Variants in GPC6 observed in about 807,000 individuals in gnomAD.
GPC6 encodes the protein glypican 6, also known as glypican-6.
Under a neutral mutation model 55.2 loss-of-function variants are expected in GPC6, and 14 were observed. The ratio of observed to expected loss-of-function variants is 0.25; its 90% CI spans 0.17 to 0.40. The LOEUF (loss-of-function observed/expected upper bound fraction) is 0.40. Ranked by LOEUF, GPC6 falls within the 10% of genes least tolerant of loss-of-function variation. The pLI is 1.00. For synonymous variants in GPC6, 278 were observed against 259.6 expected, an observed-to-expected ratio of 1.07 and a Z score of -0.68; for missense variants, 641 against 708.5, an observed-to-expected ratio of 0.90 and a Z score of 1.08.
chr13:93,844,049 G>T (rs191845713), intron 3 of GPC6, among the ~76,000 whole-genome samples: 21 of 152,200 alleles, frequency 1.4e-4, no homozygotes, highest in African/African-American at 5.1e-4. Flanking sequence ...AACACATTCA[G>T]TGAACTTCAC....
intron 1 of GPC6, among the ~76,000 whole-genome samples, chr13:93,405,690 T>G (rs1485551128): frequency 2.0e-5 from 3 of 152,140 alleles, no homozygotes; most frequent in Admixed American, 2.0e-4. Context: ...TTTGTCAGAC[T>G]TAAAGGAGAC....
rs11426472 is a variant in GPC6, at chr13:93,467,575, CTTT to C, written c.161-77666_161-77664del. 2.7e-4 allele frequency among the ~76,000 whole-genome samples: 20 copies of C among 74,016 alleles called. No individual in the cohort carries two copies. In the Admixed American group the frequency reaches 3.1e-3, roughly 11 times the overall value. The allele number at this position is 74,016 out of a possible 152,430, so 48.6% of individuals were successfully genotyped here. Reference sequence around the variant, plus strand: ...GCTACCCTGCTGGCAAGCTGTGATTCTTTTTTTTTTTTTTTTTTTTTTTTGAGA... The same window carrying C: ...GCTACCCTGCTGGCAAGCTGTGATTCTTTTTTTTTTTTTTTTTTTTTGAGA... On this transcript the variant is annotated intron_variant, in intron 1 of 8. Transcript: ENST00000377047.
Position 94,402,582 on chromosome 13 carries a change from C to T in GPC6, c.1466-433C>T, listed in dbSNP as rs113438121. On this transcript the variant is annotated intron_variant, in intron 8 of 8. Coordinates refer to ENST00000377047, the MANE Select transcript of GPC6 (RefSeq NM_005708.5). Reference sequence around the variant, plus strand: ...GCCCCATATCTGCTGAGCTCTGTTTCCACTCTTTCCTGGTTGGTTGTATTA... The same window carrying T: ...GCCCCATATCTGCTGAGCTCTGTTTTCACTCTTTCCTGGTTGGTTGTATTA... Among the ~76,000 whole-genome samples, 755 of 152,158 alleles carry T rather than the reference C, an allele frequency of 5.0e-3. 5 individuals are homozygous for T. The highest frequency in any genetic ancestry group is 0.031 in the Middle Eastern group (9 of 294).
chr13:94,040,979 A>G (rs780749619), intron 4 of GPC6, among the ~76,000 whole-genome samples: 8 of 151,848 alleles, frequency 5.3e-5, no homozygotes, highest in Non-Finnish European at 1.0e-4. Flanking sequence ...GTGCCTCACA[A>G]TTGAAAAACA....
intron 1 of GPC6, among the ~76,000 whole-genome samples, chr13:93,459,034 G>A (rs979045641): frequency 3.3e-5 from 5 of 152,070 alleles, no homozygotes; most frequent in African/African-American, 4.8e-5. Flanking sequence ...AAGGGAACAC[G>A]CTTTGATTAA....
chr13:93,635,292 G>C (rs1229269861), intron 2 of GPC6, among the ~76,000 whole-genome samples: 1 of 152,012 alleles, frequency 6.6e-6, no homozygotes, highest in Non-Finnish European at 1.5e-5. Flanking sequence ...AGAAATTGAA[G>C]ACCTTTTGTA....
chr13:93,891,639 A>G (rs564807857), intron 3 of GPC6, among the ~76,000 whole-genome samples: 9 of 152,118 alleles, frequency 5.9e-5, no homozygotes, highest in Middle Eastern at 3.2e-3. Context: ...AACCATTTAT[A>G]TACACACACA....
At chr13:94,247,665 A>G (rs898562997) in intron 4 of GPC6, among the ~76,000 whole-genome samples, 3 of 152,132 alleles carry the variant, frequency 2.0e-5, no homozygotes, top group African/African-American at 7.2e-5. Flanking sequence ...TGATTTGCAT[A>G]TGTTAAGCCA....
In GPC6 at chr13:93,632,524, A is replaced by G. The variant is rs1879491671; in HGVS notation, c.319+87103A>G. Among the ~76,000 whole-genome samples, 6 of 108,658 alleles carry G rather than the reference A, an allele frequency of 5.5e-5. No homozygotes were observed. In the South Asian group the frequency reaches 1.8e-3, roughly 33 times the overall value. The allele number at this position is 108,658 out of a possible 152,430, so 71.3% of individuals were successfully genotyped here. On this transcript the variant is annotated intron_variant, in intron 2 of 8. Coordinates refer to ENST00000377047, the MANE Select transcript of GPC6 (RefSeq NM_005708.5). ...CTCAGGAGGCTGAGGTGGGAGGATC[A>G]CCTGAGCCTGGGTATGTTGAGACCA...
At chr13:93,692,162 T>C (rs1882281832) in intron 2 of GPC6, among the ~76,000 whole-genome samples, 2 of 152,100 alleles carry the variant, frequency 1.3e-5, no homozygotes, top group Non-Finnish European at 2.9e-5. Flanking sequence ...TCTGCTTCAC[T>C]GTGTTGCCTT....
chr13:94,339,458 C>T (rs539820496), intron 6 of GPC6, among the ~76,000 whole-genome samples: 3 of 152,220 alleles, frequency 2.0e-5, no homozygotes, highest in South Asian at 2.1e-4. Flanking sequence ...ACTGCTCACT[C>T]GGGGCCTGTG....
chr13:94,115,965 A>G (rs534287043), intron 4 of GPC6, among the ~76,000 whole-genome samples: 49 of 152,186 alleles, frequency 3.2e-4, no homozygotes, highest in African/African-American at 1.1e-3. Context: ...AGGGGCCTGT[A>G]TTGCCCCATA....
At chr13:94,105,172 T>C (rs939948874) in intron 4 of GPC6, among the ~76,000 whole-genome samples, 2 of 152,122 alleles carry the variant, frequency 1.3e-5, no homozygotes, top group East Asian at 3.9e-4. Flanking sequence ...CTAGGCAACA[T>C]AGCAAGACCC....
Position 94,027,884 on chromosome 13 carries a change from T to G in GPC6, c.867T>G (p.Asn289Lys), listed in dbSNP as rs772660087. ...AGGCTGACCTCGACACAGAGTGGAATCTGTTTATAGGTAAGAAGTGTTTAA... is the reference window on the plus strand; with the variant it reads ...AGGCTGACCTCGACACAGAGTGGAAGCTGTTTATAGGTAAGAAGTGTTTAA... Reference protein sequence around the residue: ...ANQADLDTEWNLFIDAMLLVA... With the variant: ...ANQADLDTEWKLFIDAMLLVA... Residue 289 changes from asparagine to lysine, a missense_variant, in exon 4 of 9, where the codon AAT becomes AAG. Physicochemically the swap from Asn to Lys is moderately conservative, Grantham distance 94. Transcript: ENST00000377047. 5.6e-6 allele frequency: 9 copies of G among 1,613,778 alleles called. No homozygotes were observed. The highest frequency in any genetic ancestry group is 1.7e-5 in the Admixed American group (1 of 59,980).
At chr13:93,701,860 A>G (rs1341383206) in intron 2 of GPC6, among the ~76,000 whole-genome samples, 1 of 151,860 alleles carries the variant, frequency 6.6e-6, no homozygotes, top group Non-Finnish European at 1.5e-5. Flanking sequence ...TCCACTTCTA[A>G]CTCTAGTTCT....
intron 1 of GPC6, among the ~76,000 whole-genome samples, chr13:93,451,367 G>A (rs528394652): frequency 7.0e-4 from 107 of 152,292 alleles, no homozygotes; most frequent in African/African-American, 2.5e-3. Context: ...ATAGGGTTTG[G>A]CAGACTATGG....
intron 1 of GPC6, among the ~76,000 whole-genome samples, chr13:93,370,320 G>T (rs571301254): frequency 6.6e-6 from 1 of 152,250 alleles, no homozygotes; most frequent in South Asian, 2.1e-4. Flanking sequence ...CTTTACATAT[G>T]ACAAACATAA....
rs907286474 is a variant in GPC6, at chr13:93,391,698, G to C, written c.161-153565G>C. 1.4e-4 allele frequency among the ~76,000 whole-genome samples: 22 copies of C among 152,018 alleles called. 1 individual carries two copies. The highest frequency in any genetic ancestry group is 2.4e-4 in the Non-Finnish European group (16 of 67,998). On this transcript the variant is annotated intron_variant, in intron 1 of 8. Transcript: ENST00000377047. Reference sequence around the variant, plus strand: ...TCTAATGATTCTGCCACCCCCTCAGGGTGGGTTTTCATTTCTTGGGGTTCT... The same window carrying C: ...TCTAATGATTCTGCCACCCCCTCAGCGTGGGTTTTCATTTCTTGGGGTTCT...
At position 93,953,183 on chromosome 13, in the gene GPC6, C is replaced by T. The variant is rs548180069; in HGVS notation, c.712-74546C>T. 4.6e-5 allele frequency among the ~76,000 whole-genome samples: 7 copies of T among 152,070 alleles called. No individual in the cohort carries two copies. The South Asian group carries it at 1.5e-3, about 32-fold the overall frequency. ...CTTTTGCTGAGGTGTCTTCACTTTT[C>T]TTTTCTTCCATGGTCTCCCTAAAAC... On this transcript the variant is annotated intron_variant, in intron 3 of 8. Coordinates refer to ENST00000377047, the MANE Select transcript of GPC6 (RefSeq NM_005708.5).
Sources: gnomAD v4.1 joint callset for allele counts (sites outside exome capture counted in the v4.1 genomes callset) on GRCh38, gnomAD v4.1.1 for gene constraint, MANE v1.5 for transcripts, NCBI Gene and HGNC (gene_info 2026-07-23, HGNC 2026-07-21) for gene names.